Variants in WDR17 observed in about 807,000 individuals in gnomAD.
WDR17 encodes WD repeat-containing protein 17.
Under a neutral mutation model 161.7 loss-of-function variants are expected in WDR17, and 143 were observed. The ratio of observed to expected loss-of-function variants is 0.88; its 90% CI spans 0.77 to 1.02. WDR17 has a LOEUF of 1.02. WDR17 is among the 50% of genes least tolerant of loss of function. The pLI, the probability that WDR17 is intolerant of heterozygous loss-of-function variation, is 0.00. For synonymous variants in WDR17, 517 were observed against 515.6 expected (o/e 1.00, Z -0.04); for missense variants, 1,469 against 1,520.9 (o/e 0.97, Z 0.57).
chr4:176,177,262 C>G, intron 27 of WDR17, 106 bp downstream of exon 27: 1 of 1,135,376 alleles, frequency 8.8e-7, no homozygotes, highest in Admixed American at 2.2e-5. Context: ...AATAATGAAT[C>G]TTGATTTGTT....
At position 176,140,939 on chromosome 4, in the gene WDR17, G is replaced by A. The variant is rs1164909399; in HGVS notation, c.1442+965G>A. 3.3e-5 allele frequency among the ~76,000 whole-genome samples: 5 copies of A among 152,082 alleles called. No individual in the cohort carries two copies. In the East Asian group the frequency reaches 9.6e-4, roughly 29 times the overall value. ...ATGTATTTCAAGGCATTATATATTT[G>A]ACAGATATCACTTTCAGTGACTAAA... On this transcript the variant is annotated intron_variant, in intron 10 of 28. Coordinates refer to ENST00000508596, the MANE Select transcript of WDR17 (RefSeq NM_181265.4).
chr4:176,093,221 A>G (rs1004993627), intron 1 of WDR17, among the ~76,000 whole-genome samples: 4 of 152,206 alleles, frequency 2.6e-5, no homozygotes, highest in Admixed American at 1.3e-4. Flanking sequence ...TCCATGTTCA[A>G]GGATTGAAAG....
chr4:176,166,637 A>T (rs533136621), intron 22 of WDR17, among the ~76,000 whole-genome samples: 7 of 152,186 alleles, frequency 4.6e-5, no homozygotes, highest in African/African-American at 9.6e-5. Context: ...TCTATAGTTC[A>T]ATGAAGTTTG....
intron 1 of WDR17, among the ~76,000 whole-genome samples, chr4:176,076,231 A>ATATATAATG (rs1733976568): frequency 3.0e-5 from 1 of 33,146 alleles, no homozygotes; most frequent in Non-Finnish European, 1.0e-4. Flanking sequence ...ATATATATAT[A>ATATATAATG]TATATATATA....
intron 4 of WDR17, among the ~76,000 whole-genome samples, chr4:176,122,496 G>A (rs867598358): frequency 6.6e-6 from 1 of 152,266 alleles, no homozygotes; most frequent in Middle Eastern, 3.4e-3. Context: ...AAAAGATACA[G>A]TCCTGATAAG....
chr4:176,115,604 G>GT (rs1017284522), intron 2 of WDR17, among the ~76,000 whole-genome samples, 192 bp from the exon 3 acceptor site: 12 of 150,006 alleles, frequency 8.0e-5, no homozygotes, highest in Admixed American at 2.7e-4. Context: ...AGTTTTTAAT[G>GT]TTTTTTTTTA....
At chr4:176,125,474 T>G in intron 5 of WDR17, 119 bp downstream of exon 5, 1 of 1,198,624 alleles carries the variant, frequency 8.3e-7, no homozygotes, top group Admixed American at 2.7e-5. Flanking sequence ...TCAATTATTA[T>G]TTATTGTAGT....
chr4:176,169,928 C>T lies in WDR17; in HGVS notation c.3102+1145C>T, dbSNP rs117873729. Reference sequence around the variant, plus strand: ...GCTGTGCTTTGTTTTTTTAACATGACAACTAAAAGCTATTTTACATTGAAA... The same window carrying T: ...GCTGTGCTTTGTTTTTTTAACATGATAACTAAAAGCTATTTTACATTGAAA... On this transcript the variant is annotated intron_variant, in intron 23 of 28. Transcript: ENST00000508596. Among the ~76,000 whole-genome samples the T allele has an allele frequency of 1.3e-3, 201 of 152,134 alleles. 4 individuals carry two copies. In the East Asian group the frequency reaches 0.036, roughly 27 times the overall value.
intron 21 of WDR17, among the ~76,000 whole-genome samples, chr4:176,162,698 C>T (rs1367212325): frequency 3.3e-5 from 5 of 151,928 alleles, no homozygotes; most frequent in Non-Finnish European, 1.5e-5. Context: ...AGGTACTTTC[C>T]ACTTGAGTCA....
chr4:176,111,451 T>C, intron 1 of WDR17, 124 bp from the exon 2 acceptor site: 2 of 1,058,156 alleles, frequency 1.9e-6, no homozygotes, highest in Non-Finnish European at 2.6e-6. Context: ...AAGTCAAAAT[T>C]AATAGTACTA....
chr4:176,093,285 C>T (rs1736375380), intron 1 of WDR17, among the ~76,000 whole-genome samples: 1 of 152,046 alleles, frequency 6.6e-6, no homozygotes, highest in African/African-American at 2.4e-5. Flanking sequence ...ACATTCAGTG[C>T]AATCCCCATC....
intron 1 of WDR17, among the ~76,000 whole-genome samples, chr4:176,098,754 T>G (rs1471188636): frequency 6.6e-6 from 1 of 151,926 alleles, no homozygotes; most frequent in Non-Finnish European, 1.5e-5. Flanking sequence ...TAATATATAT[T>G]CAATAATGTA....
chr4:176,140,508 T>C (rs955565796), intron 10 of WDR17, among the ~76,000 whole-genome samples: 1 of 152,168 alleles, frequency 6.6e-6, no homozygotes, highest in African/African-American at 2.4e-5. Context: ...TTCTTAATTC[T>C]GTTAAGTTCC....
At chr4:176,137,173 A>G (rs1027408537) in intron 8 of WDR17, among the ~76,000 whole-genome samples, 2 of 151,514 alleles carry the variant, frequency 1.3e-5, no homozygotes, top group Non-Finnish European at 3.0e-5. Context: ...GTTAATATTC[A>G]TGATAGTTTG....
Position 176,146,107 on chromosome 4 carries a change from G to T in WDR17, c.1642G>T (p.Val548Phe), listed in dbSNP as rs1471027822. Residue 548 changes from valine to phenylalanine, a missense_variant, in exon 12 of 29, where the codon GTT becomes TTT. Val to Phe is a conservative substitution (Grantham distance 50, BLOSUM62 -1). Transcript: ENST00000508596. ...FSGHTAKVFH[V>F]KWSPLREGIL... ...TGGGCATACAGCAAAAGTGTTTCAT[G>T]TTAAATGGTCTCCTCTGAGAGAGGG... 2 of 1,613,906 alleles carry T rather than the reference G, an allele frequency of 1.2e-6. No individual in the cohort carries two copies. Among genetic ancestry groups the T allele is most frequent in the African/African-American group, 2.7e-5 (2 of 74,914 alleles).
intron 1 of WDR17, among the ~76,000 whole-genome samples, chr4:176,079,978 A>G (rs1323346443): frequency 6.6e-6 from 1 of 152,066 alleles, no homozygotes; most frequent in Non-Finnish European, 1.5e-5. Flanking sequence ...GAATGGATTA[A>G]TTTGTTCACA....
In WDR17 at chr4:176,122,770, AG is replaced by A. The variant is rs33947657; in HGVS notation, c.539-2333del. 8.5e-3 allele frequency among the ~76,000 whole-genome samples: 1,299 copies of A among 152,292 alleles called. 28 individuals carry two copies. The highest frequency in any genetic ancestry group is 0.029 in the African/African-American group (1,204 of 41,554). On this transcript the variant is annotated intron_variant, in intron 4 of 28. Transcript: ENST00000508596. Reference sequence around the variant, plus strand: ...TATGACCTCAATATCTCTGTTGTCTAGTCCTTCTCAGAAGAAAAAATAAATA... The same window carrying A: ...TATGACCTCAATATCTCTGTTGTCTATCCTTCTCAGAAGAAAAAATAAATA...
intron 1 of WDR17, among the ~76,000 whole-genome samples, chr4:176,109,893 A>G (rs532706984): frequency 6.6e-6 from 1 of 152,314 alleles, no homozygotes; most frequent in African/African-American, 2.4e-5. Context: ...TGAGCAGCAT[A>G]AACTAAATAT....
intron 3 of WDR17, 137 bp from the exon 4 acceptor site, chr4:176,119,730 A>C (rs1461554944): frequency 2.5e-6 from 2 of 796,156 alleles, no homozygotes; most frequent in African/African-American, 3.5e-5. Context: ...TTTCTTTATA[A>C]ATCCAATTCC....
Sources: allele counts gnomAD v4.1 joint callset (sites outside exome capture counted in the v4.1 genomes callset), GRCh38; gene constraint gnomAD v4.1.1; transcripts MANE v1.5; gene names NCBI Gene and HGNC (gene_info 2026-07-23, HGNC 2026-07-21).